Variants in SLC29A3 observed in about 807,000 individuals in gnomAD.
SLC29A3 encodes equilibrative nucleoside transporter 3.
SLC29A3 carries 18 observed loss-of-function variants against 25.4 expected under a neutral mutation model. The ratio of observed to expected loss-of-function variants is 0.71; its 90% CI spans 0.49 to 1.05. SLC29A3 has a LOEUF of 1.05. Among genes scored for constraint, SLC29A3 ranks in the 50% least tolerant of loss-of-function variants. The pLI, the probability that SLC29A3 is intolerant of heterozygous loss-of-function variation, is 0.00. For synonymous variants in SLC29A3, 258 were observed against 267.1 expected (o/e 0.97, Z 0.33); for missense variants, 586 against 609.0 (o/e 0.96, Z 0.40).
chr10:71,365,345 G>C (rs538733250), downstream of SLC29A3: 1 of 152,516 alleles, frequency 6.6e-6, no homozygotes, highest in South Asian at 2.1e-4. Flanking sequence ...TCACCTTGCA[G>C]CTATTGGGGA....
chr10:71,326,564 G>C (rs552357483), intron 2 of SLC29A3, among the ~76,000 whole-genome samples: 1 of 152,104 alleles, frequency 6.6e-6, no homozygotes, highest in Non-Finnish European at 1.5e-5. Context: ...TGCCTGTCTC[G>C]GCCGGCACAG....
intron 5 of SLC29A3, among the ~76,000 whole-genome samples, chr10:71,360,797 G>A (rs1446313790): frequency 6.6e-6 from 1 of 152,222 alleles, no homozygotes; most frequent in Non-Finnish European, 1.5e-5. Context: ...GTGTCCATCA[G>A]TAGAGGAGCA....
In SLC29A3 at chr10:71,362,768, T is replaced by C. The variant is rs773931637; in HGVS notation, c.*160T>C. 9 of 852,402 alleles carry C rather than the reference T, an allele frequency of 1.1e-5. No individual in the cohort carries two copies. In the South Asian group the frequency reaches 1.1e-4, roughly 11 times the overall value. The allele number at this position is 852,402 out of a possible 1,614,324, so 52.8% of individuals were successfully genotyped here. A position where few individuals can be genotyped will look rare whatever the true frequency, so the allele number is the denominator to read the frequency against. On this transcript the variant is annotated 3_prime_UTR_variant, in exon 6 of 6. Coordinates refer to ENST00000373189, the MANE Select transcript of SLC29A3 (RefSeq NM_018344.6). Reference sequence around the variant, plus strand: ...CCTCCCAAGATGCCAGTGAGCCACGTCCATGCCCATTCCGTGCAAGGCAGA... The same window carrying C: ...CCTCCCAAGATGCCAGTGAGCCACGCCCATGCCCATTCCGTGCAAGGCAGA...
At chr10:71,341,150 C>A (rs565510432) in intron 2 of SLC29A3, among the ~76,000 whole-genome samples, 1 of 152,126 alleles carries the variant, frequency 6.6e-6, no homozygotes, top group African/African-American at 2.4e-5. Context: ...CTCAGGGGAG[C>A]GTCCCCCACC....
Position 71,357,015 on chromosome 10 carries a change from G to A in SLC29A3, c.773+772G>A, listed in dbSNP as rs919849352. Among the ~76,000 whole-genome samples the A allele has an allele frequency of 2.6e-5, 4 of 152,116 alleles. No homozygotes were observed. In the South Asian group the frequency reaches 6.2e-4, roughly 24 times the overall value. On this transcript the variant is annotated intron_variant, in intron 5 of 5. Coordinates refer to ENST00000373189, the MANE Select transcript of SLC29A3 (RefSeq NM_018344.6). ...CAGGCTGGAGTGCAGGGATGCAATC[G>A]TGGCCTGCTGCAGCCTTGACCTCCT... is the stretch of plus-strand genomic sequence containing the variant.
rs74895130 is a variant in SLC29A3, at chr10:71,342,606, G to A, written c.301-1603G>A. Among the ~76,000 whole-genome samples, 1,275 of 152,316 alleles carry A rather than the reference G, an allele frequency of 8.4e-3. 40 individuals carry two copies. Among genetic ancestry groups the A allele is most frequent in the East Asian group, 0.069 (360 of 5,186 alleles). ...AGCCACTGGATGAAGGGGCCTCACC[G>A]GGGCTTGGGCTGGGGGCAGACGCAG... On this transcript the variant is annotated intron_variant, in intron 2 of 5. Transcript: ENST00000373189.
chr10:71,344,231 C>T lies in SLC29A3; in HGVS notation c.323C>T (p.Ala108Val), dbSNP rs1241742651. 1 of 1,614,100 alleles carries T rather than the reference C, an allele frequency of 6.2e-7. No homozygotes were observed. The highest frequency in any genetic ancestry group is 2.2e-5 in the East Asian group (1 of 44,866). Residue 108 changes from alanine (A) to valine (V), a missense_variant, in exon 3 of 6, where the codon GCC (alanine) becomes GTC (valine). Physicochemically the swap from Ala to Val is moderately conservative, Grantham distance 64. Coordinates refer to ENST00000373189, the MANE Select transcript of SLC29A3 (RefSeq NM_018344.6). ...CAGAACTACTTTGAGAGCTACCTTG[C>T]CGTTGCCTCCACCGTGCCCTCCATG... ...DILNYFESYL[A>V]VASTVPSMLC...
chr10:71,336,103 G>A (rs561631273), intron 2 of SLC29A3, among the ~76,000 whole-genome samples: 29 of 152,318 alleles, frequency 1.9e-4, no homozygotes, highest in Non-Finnish European at 2.9e-4. Flanking sequence ...ACATTTCCTT[G>A]CTGCTGCTTT....
exon 5 of SLC29A3, chr10:71,381,220 A>G (rs1847300980): frequency 6.6e-6 from 1 of 152,226 alleles, no homozygotes; most frequent in Admixed American, 6.5e-5. Flanking sequence ...ATGGTGTGTC[A>G]GTGCAGGCTC....
intron 2 of SLC29A3, among the ~76,000 whole-genome samples, chr10:71,331,860 A>C (rs1358644194): frequency 6.6e-6 from 1 of 152,194 alleles, no homozygotes; most frequent in Non-Finnish European, 1.5e-5. Context: ...AGGGTACCTG[A>C]ATCAGTATCA....
chr10:71,344,396 C>A, intron 3 of SLC29A3, 105 bp downstream of exon 3: 2 of 848,882 alleles, frequency 2.4e-6, no homozygotes, highest in South Asian at 2.7e-5. Flanking sequence ...AAGTGGTGGT[C>A]ACCAAAGTAG....
chr10:71,329,476 A>C (rs1846070239), intron 2 of SLC29A3, among the ~76,000 whole-genome samples: 1 of 151,898 alleles, frequency 6.6e-6, no homozygotes, highest in Non-Finnish European at 1.5e-5. Flanking sequence ...AAAAAAAAGA[A>C]AAGAAAATAC....
intron 3 of SLC29A3, among the ~76,000 whole-genome samples, chr10:71,369,215 G>A (rs1388868076): frequency 6.6e-6 from 1 of 152,202 alleles, no homozygotes; most frequent in Non-Finnish European, 1.5e-5. Flanking sequence ...CCAGCCTCTA[G>A]AACTGTGAGG....
At chr10:71,330,088 C>T (rs1846084931) in intron 2 of SLC29A3, among the ~76,000 whole-genome samples, 1 of 152,232 alleles carries the variant, frequency 6.6e-6, no homozygotes. Flanking sequence ...CACCCGCAAG[C>T]CCACAGTTCC....
chr10:71,331,105 C>T (rs1846107772), intron 2 of SLC29A3, among the ~76,000 whole-genome samples: 1 of 152,102 alleles, frequency 6.6e-6, no homozygotes, highest in African/African-American at 2.4e-5. Context: ...GTCTATAATG[C>T]AAACAACAGT....
rs3781327 is a variant in SLC29A3, at chr10:71,355,757, G to A, written c.611-324G>A. 8.0e-3 allele frequency among the ~76,000 whole-genome samples: 1,217 copies of A among 152,306 alleles called. 34 individuals are homozygous for A. The highest frequency in any genetic ancestry group is 0.063 in the East Asian group (324 of 5,172). ...CCCCACTAGAAGGGCAATAAAGAGA[G>A]ATGGAGGTTGAGGGTCAGAGGTGAA... On this transcript the variant is annotated intron_variant, in intron 4 of 5. Coordinates refer to ENST00000373189, the MANE Select transcript of SLC29A3 (RefSeq NM_018344.6).
Position 71,362,166 on chromosome 10 carries a change from A to T in SLC29A3, c.986A>T (p.Asn329Ile). The T allele has an allele frequency of 1.2e-6, 2 of 1,613,970 alleles. No homozygotes were observed. Among genetic ancestry groups the T allele is most frequent in the Non-Finnish European group, 1.7e-6 (2 of 1,179,970 alleles). The change falls in exon 6 of 6, where the codon AAC becomes ATC. Residue 329 changes from asparagine (N) to isoleucine (I), a missense_variant. By Grantham distance (149) the Asn-to-Ile change is moderately radical. Transcript: ENST00000373189. ...TSLIYPAICT[N>I]IESLNKGSGS... ...CTCATCTACCCCGCCATCTGCACCAACATCGAGTCCCTCAACAAGGGTTCG... is the reference window on the plus strand; with the variant it reads ...CTCATCTACCCCGCCATCTGCACCATCATCGAGTCCCTCAACAAGGGTTCG...
At chr10:71,338,235 C>T (rs909324213) in intron 2 of SLC29A3, among the ~76,000 whole-genome samples, 1 of 152,232 alleles carries the variant, frequency 6.6e-6, no homozygotes, top group African/African-American at 2.4e-5. Flanking sequence ...CACCCACAGA[C>T]ACTCTTTAAC....
intron 1 of SLC29A3, 48 bp downstream of exon 1, chr10:71,319,358 C>A: frequency 3.3e-6 from 2 of 614,762 alleles, no homozygotes; most frequent in South Asian, 3.5e-5. Flanking sequence ...CCCGGCCGCC[C>A]CCAGACTCGC....
Sources: allele counts gnomAD v4.1 joint callset (sites outside exome capture counted in the v4.1 genomes callset), GRCh38; gene constraint gnomAD v4.1.1; transcripts MANE v1.5; gene names NCBI Gene and HGNC (gene_info 2026-07-23, HGNC 2026-07-21).